The following DACH2 variants were observed in gnomAD, a reference collection of about 807,000 sequenced individuals.
The protein encoded by DACH2 is dachshund homolog 2.
Under a neutral mutation model 35.8 loss-of-function variants are expected in DACH2, and 17 were observed. The ratio of observed to expected loss-of-function variants is 0.48; its 90% confidence interval spans 0.33 to 0.71. The LOEUF is 0.71. DACH2 is among the 30% of genes least tolerant of loss of function. The probability of loss-of-function intolerance (pLI) is 0.02; values close to 1 mark genes in which losing one functional copy is unlikely to be tolerated. For synonymous variants in DACH2, 195 were observed against 177.3 expected, an observed-to-expected ratio of 1.10 and a Z score of -0.79; for missense variants, 469 against 472.7, an observed-to-expected ratio of 0.99 and a Z score of 0.07.
chrX:86,319,435 C>A (rs2034976014), intron 1 of DACH2, among the ~76,000 whole-genome samples: 1 of 111,565 alleles, frequency 9.0e-6, no homozygotes, highest in African/African-American at 3.3e-5. Flanking sequence ...AGCAATTTTT[C>A]ACTTCAATGT....
At chrX:86,360,167 A>G (rs2035715356) in intron 1 of DACH2, among the ~76,000 whole-genome samples, 1 of 111,596 alleles carries the variant, frequency 9.0e-6, no homozygotes, top group African/African-American at 3.3e-5. Flanking sequence ...ACTCATTTAT[A>G]TAGGATCCAG....
At chrX:86,534,448 T>G (rs1193945487) in intron 3 of DACH2, among the ~76,000 whole-genome samples, 2 of 112,209 alleles carry the variant, frequency 1.8e-5, no homozygotes, top group Admixed American at 1.9e-4. Flanking sequence ...TATTTGAAAG[T>G]CATTATATAT....
intron 7 of DACH2, among the ~76,000 whole-genome samples, chrX:86,781,286 C>T (rs767831513): frequency 1.8e-5 from 2 of 111,344 alleles, no homozygotes; most frequent in South Asian, 3.8e-4. Flanking sequence ...CTTCTGAAGC[C>T]GGGAGATAGA....
At chrX:86,334,266 C>A (rs779544129) in intron 1 of DACH2, among the ~76,000 whole-genome samples, 1 of 111,901 alleles carries the variant, frequency 8.9e-6, no homozygotes, top group African/African-American at 3.3e-5. Flanking sequence ...ATTGGGTCTA[C>A]ACCCAGTAAT....
intron 1 of DACH2, among the ~76,000 whole-genome samples, chrX:86,250,571 T>C (rs946631951): frequency 1.8e-5 from 2 of 111,509 alleles, no homozygotes; most frequent in Non-Finnish European, 3.8e-5. Flanking sequence ...TTAAAGTGAT[T>C]TTACATATTT....
At chrX:86,726,121 C>T (rs904785316) in intron 6 of DACH2, among the ~76,000 whole-genome samples, 6 of 111,712 alleles carry the variant, frequency 5.4e-5, no homozygotes, top group African/African-American at 2.0e-4. Context: ...GTATACCTGC[C>T]ATCAGGGAGG....
At chrX:86,445,964 T>G (rs891722532) in intron 2 of DACH2, among the ~76,000 whole-genome samples, 1 of 111,791 alleles carries the variant, frequency 8.9e-6, no homozygotes, top group Admixed American at 9.6e-5. Context: ...TGTCCCCTAC[T>G]AGTATTGTGT....
intron 7 of DACH2, among the ~76,000 whole-genome samples, chrX:86,811,455 G>A (rs1188073950): frequency 5.4e-5 from 6 of 111,875 alleles, no homozygotes; most frequent in Admixed American, 9.5e-5. Flanking sequence ...TCCAAACCAT[G>A]TGAAATTGGT....
At chrX:86,705,495 C>A (rs956772523) in intron 5 of DACH2, among the ~76,000 whole-genome samples, 3 of 110,927 alleles carry the variant, frequency 2.7e-5, no homozygotes, top group Non-Finnish European at 5.7e-5. Context: ...AGAAAATGCT[C>A]AACATCACTA....
At chrX:86,799,503 G>A (rs1225364860) in intron 7 of DACH2, among the ~76,000 whole-genome samples, 2 of 111,283 alleles carry the variant, frequency 1.8e-5, no homozygotes, top group East Asian at 2.8e-4. Flanking sequence ...CATCTCATTC[G>A]GACTGGTTGG....
At chrX:86,402,981 T>C (rs1459814206) in intron 2 of DACH2, among the ~76,000 whole-genome samples, 1 of 112,153 alleles carries the variant, frequency 8.9e-6, no homozygotes, top group African/African-American at 3.2e-5. Context: ...GCTAGCCATA[T>C]GTAGAAGGAT....
chrX:86,709,598 G>A (rs2041256009), intron 5 of DACH2, among the ~76,000 whole-genome samples: 1 of 111,429 alleles, frequency 9.0e-6, no homozygotes, highest in Non-Finnish European at 1.9e-5. Flanking sequence ...ACACTGTTAA[G>A]AGAATGAAAA....
At chrX:86,149,163 G>T (rs2030270734) in intron 1 of DACH2, 55 bp downstream of exon 1, 1 of 1,123,823 alleles carries the variant, frequency 8.9e-7, no homozygotes, top group Admixed American at 2.9e-5. Flanking sequence ...GGCCTCTTCT[G>T]CATGCCTCAC....
At chrX:86,687,840 A>T (rs1044000203) in intron 4 of DACH2, among the ~76,000 whole-genome samples, 44 of 109,163 alleles carry the variant, frequency 4.0e-4, no homozygotes, top group African/African-American at 1.4e-3. Flanking sequence ...GGAGTTGAAC[A>T]ATGAGAACAC....
At chrX:86,689,681 A>G (rs2040988494) in intron 4 of DACH2, among the ~76,000 whole-genome samples, 1 of 111,782 alleles carries the variant, frequency 8.9e-6, no homozygotes, top group African/African-American at 3.2e-5. Flanking sequence ...AACATGATCA[A>G]TTTAGACCCA....
chrX:86,549,718 A>G (rs1025306463), intron 3 of DACH2, among the ~76,000 whole-genome samples: 9 of 111,281 alleles, frequency 8.1e-5, no homozygotes, highest in African/African-American at 2.9e-4. Flanking sequence ...ATTTTATTAA[A>G]TCCACATCTG....
intron 7 of DACH2, among the ~76,000 whole-genome samples, chrX:86,796,792 A>G (rs748456821): frequency 5.5e-4 from 61 of 111,857 alleles, no homozygotes; most frequent in Non-Finnish European, 1.0e-3. Flanking sequence ...CTAAAGAAGT[A>G]TCATTGGCTC....
chrX:86,663,659 A>G (rs1475701607), intron 4 of DACH2, among the ~76,000 whole-genome samples: 1 of 111,796 alleles, frequency 8.9e-6, no homozygotes, highest in African/African-American at 3.2e-5. Context: ...TTCCTAATGA[A>G]CGGTATTTCT....
chrX:86,451,615 A>C (rs1489931744), intron 2 of DACH2, among the ~76,000 whole-genome samples: 1 of 111,637 alleles, frequency 9.0e-6, no homozygotes, highest in Non-Finnish European at 1.9e-5. Context: ...TAGTTTAATG[A>C]AAATAGATTT....
Sources: allele counts gnomAD v4.1 joint callset (sites outside exome capture counted in the v4.1 genomes callset), GRCh38; gene constraint gnomAD v4.1.1; transcripts MANE v1.5; gene names NCBI Gene and HGNC (gene_info 2026-07-23, HGNC 2026-07-21).